Variants in TTLL9 observed in about 807,000 individuals in gnomAD.
The protein encoded by TTLL9 is tubulin tyrosine ligase like 9.
A neutral mutation model predicts 65.6 loss-of-function variants in TTLL9; 47 were observed. That is an observed-to-expected ratio of 0.72 (90% CI 0.57 to 0.91). The LOEUF is 0.91. Ranked by LOEUF, TTLL9 falls within the 40% of genes least tolerant of loss-of-function variation. The pLI, the probability that TTLL9 is intolerant of heterozygous loss-of-function variation, is 0.00. For synonymous variants in TTLL9, 179 were observed against 204.8 expected, an observed-to-expected ratio of 0.87 and a Z score of 1.07; for missense variants, 537 against 568.8, an observed-to-expected ratio of 0.94 and a Z score of 0.57.
At position 31,933,813 on chromosome 20, in the gene TTLL9, CA is replaced by C; in HGVS notation, c.764del (p.Asn255ThrfsTer58). 2 of 1,614,108 alleles carry C rather than the reference CA, an allele frequency of 1.2e-6. No homozygotes were observed. Among genetic ancestry groups the C allele is most frequent in the Non-Finnish European group, 8.5e-7 (1 of 1,179,942 alleles). On this transcript the variant is annotated frameshift_variant, in exon 11 of 15. Coordinates refer to ENST00000535842, the MANE Select transcript of TTLL9 (RefSeq NM_001008409.5). LOFTEE classifies it high-confidence loss of function. ...ACCCTCTCCCAGATGTTCACCTCAC[CA>C]ACGTGGCTGTGCAAAAAACATCTCC... ...GHRRQDVHLT[N>X]VAVQKTSPDY...
chr20:31,881,826 G>A (rs2063122090), intron 2 of TTLL9, among the ~76,000 whole-genome samples: 2 of 152,176 alleles, frequency 1.3e-5, no homozygotes, highest in Non-Finnish European at 2.9e-5. Flanking sequence ...TGAAAGGAAG[G>A]ACGAACTGCA....
At chr20:31,893,853 T>C (rs1200659986) in intron 3 of TTLL9, among the ~76,000 whole-genome samples, 1 of 152,104 alleles carries the variant, frequency 6.6e-6, no homozygotes, top group Non-Finnish European at 1.5e-5. Flanking sequence ...TTCTGTCCTA[T>C]CTCTTCCCCA....
chr20:31,878,576 T>C (rs925768787), intron 2 of TTLL9, among the ~76,000 whole-genome samples: 1 of 152,194 alleles, frequency 6.6e-6, no homozygotes, highest in Non-Finnish European at 1.5e-5. Context: ...CCAGTAATAA[T>C]CAGAAATGGC....
intron 2 of TTLL9, among the ~76,000 whole-genome samples, chr20:31,877,313 A>G (rs188499584): frequency 6.6e-6 from 1 of 152,226 alleles, no homozygotes; most frequent in East Asian, 1.9e-4. Context: ...TAATTTTTGT[A>G]TTCTTAGTAG....
At chr20:31,937,084 G>C in intron 12 of TTLL9, among the ~76,000 whole-genome samples, 1 of 124,248 alleles carries the variant, frequency 8.0e-6, no homozygotes, top group African/African-American at 3.4e-5. Context: ...GGCGACAAGA[G>C]CAAAACTCCC....
intron 6 of TTLL9, among the ~76,000 whole-genome samples, chr20:31,915,093 G>T (rs1403116671): frequency 1.3e-5 from 2 of 152,238 alleles, no homozygotes; most frequent in Non-Finnish European, 2.9e-5. Flanking sequence ...TGCAACAATT[G>T]TAATGTGATG....
At chr20:31,905,846 CA>C (rs1458420563) in intron 4 of TTLL9, among the ~76,000 whole-genome samples, 1 of 151,998 alleles carries the variant, frequency 6.6e-6, no homozygotes, top group East Asian at 1.9e-4. Flanking sequence ...CCAGTCTGAC[CA>C]ACATGGAGAA....
At chr20:31,905,735 G>A (rs955453281) in intron 4 of TTLL9, among the ~76,000 whole-genome samples, 1 of 152,046 alleles carries the variant, frequency 6.6e-6, no homozygotes, top group African/African-American at 2.4e-5. Flanking sequence ...TAAATCTTTA[G>A]TTCTTTGAAA....
chr20:31,943,907 G>A lies in TTLL9; in HGVS notation c.*886G>A, dbSNP rs951449420. 8.9e-6 allele frequency: 4 copies of A among 449,530 alleles called. No individual in the cohort carries two copies. Among genetic ancestry groups the A allele is most frequent in the African/African-American group, 4.0e-5 (2 of 49,828 alleles). The allele number at this position is 449,530 out of a possible 1,614,324, so 27.8% of individuals were successfully genotyped here. A position where few individuals can be genotyped will look rare whatever the true frequency, so the allele number is the denominator to read the frequency against. Reference sequence around the variant, plus strand: ...TAAGCTTCCTCTTGGTTTAAGAGGGGTTGCAACAAGACTCGGGGCTGTTGG... The same window carrying A: ...TAAGCTTCCTCTTGGTTTAAGAGGGATTGCAACAAGACTCGGGGCTGTTGG... On this transcript the variant is annotated 3_prime_UTR_variant, in exon 15 of 15. Transcript: ENST00000535842.
intron 4 of TTLL9, among the ~76,000 whole-genome samples, chr20:31,905,974 G>A (rs572812664): frequency 1.2e-4 from 18 of 149,534 alleles, no homozygotes; most frequent in Non-Finnish European, 1.8e-4. Context: ...CGGAGGTTGC[G>A]GTGAGTCGAG....
intron 10 of TTLL9, among the ~76,000 whole-genome samples, chr20:31,932,777 A>G (rs1221986353): frequency 6.6e-6 from 1 of 151,966 alleles, no homozygotes; most frequent in East Asian, 1.9e-4. Flanking sequence ...CGGGTGGATT[A>G]CTTGAGGTCA....
chr20:31,903,647 G>A (rs1398919906), intron 4 of TTLL9, among the ~76,000 whole-genome samples: 1 of 152,084 alleles, frequency 6.6e-6, no homozygotes, highest in African/African-American at 2.4e-5. Context: ...TTTATATGGT[G>A]TGAGGTAGGT....
intron 3 of TTLL9, among the ~76,000 whole-genome samples, chr20:31,888,341 G>A (rs1345832142): frequency 2.0e-5 from 3 of 152,274 alleles, no homozygotes; most frequent in Non-Finnish European, 4.4e-5. Context: ...ACTCTCTTAT[G>A]TAGTGCAATT....
chr20:31,890,660 A>G (rs117747921), intron 3 of TTLL9, among the ~76,000 whole-genome samples: 157 of 152,360 alleles, frequency 1.0e-3, no homozygotes, highest in Non-Finnish European at 2.1e-3. Context: ...ATCGACAGGT[A>G]ATTGCTGTGG....
rs147757818 is a variant in TTLL9, at chr20:31,909,200, A to T, written c.318+498A>T. Among the ~76,000 whole-genome samples the T allele has an allele frequency of 8.4e-3, 1,098 of 130,080 alleles. 8 individuals are homozygous for T. The highest frequency in any genetic ancestry group is 0.013 in the Non-Finnish European group (828 of 65,336). The allele number at this position is 130,080 out of a possible 152,430, so 85.3% of individuals were successfully genotyped here. ...CCTCAGGCTGGAGTGCAATGGCATGATCTCGGCTCATTGCAACCTCTGCCT... is the reference window on the plus strand; with the variant it reads ...CCTCAGGCTGGAGTGCAATGGCATGTTCTCGGCTCATTGCAACCTCTGCCT... On this transcript the variant is annotated intron_variant, in intron 5 of 14. Transcript: ENST00000535842.
At chr20:31,897,131 A>G (rs1376403304) in intron 3 of TTLL9, among the ~76,000 whole-genome samples, 1 of 152,226 alleles carries the variant, frequency 6.6e-6, no homozygotes. Context: ...ATTTGGGGAA[A>G]TTCTCCAGTG....
At chr20:31,918,159 C>T (rs954094490) in intron 6 of TTLL9, among the ~76,000 whole-genome samples, 4 of 151,546 alleles carry the variant, frequency 2.6e-5, no homozygotes, top group South Asian at 2.1e-4. Context: ...CCTCTGTGCC[C>T]GAGCTGTCTT....
intron 10 of TTLL9, among the ~76,000 whole-genome samples, chr20:31,926,514 T>G (rs1265929597): frequency 6.6e-6 from 1 of 152,056 alleles, no homozygotes; most frequent in Admixed American, 6.6e-5. Flanking sequence ...AATGCACACA[T>G]GCCCTGTGAC....
chr20:31,927,729 G>A (rs372122263), intron 10 of TTLL9, among the ~76,000 whole-genome samples: 28 of 152,226 alleles, frequency 1.8e-4, no homozygotes, highest in African/African-American at 6.5e-4. Context: ...GCAAATGGGC[G>A]GGACCAGATG....
Sources: gnomAD v4.1 joint callset for allele counts (sites outside exome capture counted in the v4.1 genomes callset) on GRCh38, gnomAD v4.1.1 for gene constraint, MANE v1.5 for transcripts, NCBI Gene and HGNC (gene_info 2026-07-23, HGNC 2026-07-21) for gene names.